CNR2: variants seen among roughly 807,000 people sequenced by gnomAD.
The protein encoded by CNR2 is cannabinoid receptor 2, also known as cannabinoid receptor 2 (macrophage).
For synonymous variants in CNR2, 172 were observed against 182.2 expected (o/e 0.94, Z 0.45); for missense variants, 379 against 439.9 (o/e 0.86, Z 1.24).
rs111958844 is a variant in CNR2, at chr1:23,905,564, C to T, written c.-46+7682G>A. ...AATCCATGATGGGGGACTAGTATCA[C>T]TCCTGTTCTGTAGTTGGGGAAACCA... On this transcript the variant is annotated intron_variant, in intron 1 of 1. Coordinates refer to ENST00000374472, the MANE Select transcript of CNR2 (RefSeq NM_001841.3). 8.6e-4 allele frequency among the ~76,000 whole-genome samples: 131 copies of T among 152,050 alleles called. 1 individual carries two copies. Among genetic ancestry groups the T allele is most frequent in the African/African-American group, 3.0e-3 (123 of 41,492 alleles).
At chr1:23,889,350 G>A (rs115583733) in intron 1 of CNR2, among the ~76,000 whole-genome samples, 1,582 of 152,296 alleles carry the variant, frequency 0.01, 13 homozygotes, top group Non-Finnish European at 0.014. Context: ...ACAGTGGGAA[G>A]CTGAGATTTG....
chr1:23,901,323 G>T, intron 1 of CNR2: 2 of 665,810 alleles, frequency 3.0e-6, no homozygotes, highest in South Asian at 2.5e-5. Flanking sequence ...GTGTGGAAAA[G>T]GTGCCTACTT....
rs1351494366 is a variant in CNR2 at position 23,872,495 on chromosome 1, C to T, written c.*2040G>A. 1.3e-5 allele frequency: 2 copies of T among 151,862 alleles called. No individual in the cohort carries two copies. The highest frequency in any genetic ancestry group is 4.8e-5 in the African/African-American group (2 of 41,334). The allele number at this position is 151,862 out of a possible 1,614,324, so 9.4% of individuals were successfully genotyped here. On this transcript the variant is annotated 3_prime_UTR_variant, in exon 2 of 2. Coordinates refer to ENST00000374472, the MANE Select transcript of CNR2 (RefSeq NM_001841.3). ...TGATGCTACAGATAGCTAATATTATCCCTAATGAGCAATAATCAAGCAGAA... is the reference window on the plus strand; with the variant it reads ...TGATGCTACAGATAGCTAATATTATTCCTAATGAGCAATAATCAAGCAGAA...
intron 1 of CNR2, among the ~76,000 whole-genome samples, chr1:23,905,190 CTT>C (rs1199647705): frequency 7.0e-5 from 10 of 143,186 alleles, no homozygotes; most frequent in Admixed American, 7.0e-5. Flanking sequence ...TCTTTTCTTT[CTT>C]TTTTTTTTTT....
At chr1:23,876,112 G>A (rs1639869659) in intron 1 of CNR2, among the ~76,000 whole-genome samples, 1 of 152,088 alleles carries the variant, frequency 6.6e-6, no homozygotes, top group South Asian at 2.1e-4. Context: ...CAACTATTTG[G>A]GGATGGGATT....
At chr1:23,887,477 G>T (rs1275878698) in intron 1 of CNR2, among the ~76,000 whole-genome samples, 1 of 152,192 alleles carries the variant, frequency 6.6e-6, no homozygotes, top group Non-Finnish European at 1.5e-5. Context: ...GCCTGGCATG[G>T]CCACCAACAT....
intron 1 of CNR2, among the ~76,000 whole-genome samples, chr1:23,898,193 T>C (rs1460716876): frequency 6.7e-6 from 1 of 149,912 alleles, no homozygotes. Flanking sequence ...TGCCTAGCTA[T>C]TTTTTTATTA....
Position 23,903,701 on chromosome 1 carries a change from G to A in CNR2, c.-46+9545C>T, listed in dbSNP as rs1251449821. Among the ~76,000 whole-genome samples, 5 of 152,166 alleles carry A rather than the reference G, an allele frequency of 3.3e-5. No homozygotes were observed. In the South Asian group the frequency reaches 8.3e-4, roughly 25 times the overall value. ...AGCCTTGCAGAACCTAACCTGCCAG[G>A]CCATAAATGCAAGGGTGAAAATGGG... On this transcript the variant is annotated intron_variant, in intron 1 of 1. Coordinates refer to ENST00000374472, the MANE Select transcript of CNR2 (RefSeq NM_001841.3).
intron 1 of CNR2, among the ~76,000 whole-genome samples, chr1:23,898,490 C>T (rs1640328355): frequency 6.7e-6 from 1 of 149,202 alleles, no homozygotes; most frequent in Non-Finnish European, 1.5e-5. Context: ...TACAGGCGCC[C>T]ACCACCACGC....
intron 1 of CNR2, among the ~76,000 whole-genome samples, chr1:23,885,246 C>T (rs1553140776): frequency 6.7e-6 from 1 of 148,370 alleles, no homozygotes; most frequent in Non-Finnish European, 1.5e-5. Context: ...GCCTGGTTGA[C>T]AGAGAAAGAC....
At chr1:23,883,952 C>T (rs1403810990) in intron 1 of CNR2, among the ~76,000 whole-genome samples, 1 of 152,142 alleles carries the variant, frequency 6.6e-6, no homozygotes, top group African/African-American at 2.4e-5. Flanking sequence ...GTGAAGAGAA[C>T]TTGCAGGCAG....
chr1:23,897,332 G>A (rs1294890509), intron 1 of CNR2, among the ~76,000 whole-genome samples: 5 of 152,090 alleles, frequency 3.3e-5, no homozygotes, highest in Non-Finnish European at 5.9e-5. Context: ...CTCAAACTTC[G>A]TGGTCTCAGC....
chr1:23,907,534 G>A (rs960584696), intron 1 of CNR2, among the ~76,000 whole-genome samples: 8 of 151,520 alleles, frequency 5.3e-5, no homozygotes, highest in Admixed American at 1.3e-4. Flanking sequence ...TTTGTTGCCC[G>A]GGCTGAAGTG....
intron 1 of CNR2, chr1:23,902,137 A>G (rs1363566976): frequency 1.4e-6 from 2 of 1,416,646 alleles, no homozygotes; most frequent in African/African-American, 2.8e-5. Flanking sequence ...TCGTGGGGTG[A>G]CTGGCAGCCC....
At chr1:23,878,144 G>A (rs1270822537) in intron 1 of CNR2, among the ~76,000 whole-genome samples, 1 of 152,010 alleles carries the variant, frequency 6.6e-6, no homozygotes, top group Non-Finnish European at 1.5e-5. Context: ...TAGTCAAAGA[G>A]GTAGTAGTAA....
intron 1 of CNR2, among the ~76,000 whole-genome samples, chr1:23,888,201 C>G (rs772519220): frequency 6.6e-6 from 1 of 152,168 alleles, no homozygotes; most frequent in African/African-American, 2.4e-5. Context: ...TCCTGCACTC[C>G]GTTCGGTCTC....
At chr1:23,883,434 A>G (rs754021533) in intron 1 of CNR2, among the ~76,000 whole-genome samples, 7 of 152,272 alleles carry the variant, frequency 4.6e-5, no homozygotes, top group African/African-American at 1.7e-4. Context: ...ACAATTCTAA[A>G]TGTCCATCAA....
At chr1:23,893,016 A>G (rs1640215326) in intron 1 of CNR2, among the ~76,000 whole-genome samples, 1 of 152,176 alleles carries the variant, frequency 6.6e-6, no homozygotes, top group African/African-American at 2.4e-5. Flanking sequence ...ACTCTGTCTC[A>G]AAAAAATAAA....
intron 1 of CNR2, 35 bp from the exon 2 acceptor site, chr1:23,875,697 T>C: frequency 6.7e-7 from 1 of 1,490,830 alleles, no homozygotes. Flanking sequence ...ATAATCTTTT[T>C]CAGTAAGCAC....
Sources: allele counts gnomAD v4.1 joint callset (sites outside exome capture counted in the v4.1 genomes callset), GRCh38; gene constraint gnomAD v4.1.1; transcripts MANE v1.5; gene names NCBI Gene and HGNC (gene_info 2026-07-23, HGNC 2026-07-21).